IPCEF1: variants seen among roughly 807,000 people sequenced by gnomAD.
IPCEF1 encodes the protein interactor protein for cytohesin exchange factors 1.
Under a neutral mutation model 50.9 loss-of-function variants are expected in IPCEF1, and 31 were observed. The observed-to-expected ratio is 0.61, with a 90% CI of 0.46 to 0.82. IPCEF1 has a LOEUF of 0.82. Ranked by LOEUF, IPCEF1 falls within the 40% of genes least tolerant of loss-of-function variation. The pLI, the probability that IPCEF1 is intolerant of heterozygous loss-of-function variation, is 0.00. For synonymous variants in IPCEF1, 181 were observed against 192.0 expected (o/e 0.94, Z 0.47); for missense variants, 458 against 514.0 (o/e 0.89, Z 1.05).
chr6:154,173,009 T>C (rs1800000719), intron 10 of IPCEF1, among the ~76,000 whole-genome samples: 1 of 152,300 alleles, frequency 6.6e-6, no homozygotes, highest in South Asian at 2.1e-4. Flanking sequence ...CCTCCGCTGG[T>C]GATACCCAGG....
At chr6:154,213,236 C>T in intron 8 of IPCEF1, 1 of 210,210 alleles carries the variant, frequency 4.8e-6, no homozygotes, top group Non-Finnish European at 9.8e-6. Context: ...ATCAGTGGTG[C>T]ACAACTTGTG....
At chr6:154,197,322 A>G (rs936861118) in intron 10 of IPCEF1, among the ~76,000 whole-genome samples, 5 of 152,244 alleles carry the variant, frequency 3.3e-5, no homozygotes, top group African/African-American at 1.2e-4. Context: ...ACAGCAAGTC[A>G]TCACAAATGC....
At chr6:154,262,466 C>T (rs942233333) in intron 3 of IPCEF1, among the ~76,000 whole-genome samples, 1 of 152,226 alleles carries the variant, frequency 6.6e-6, no homozygotes, top group African/African-American at 2.4e-5. Context: ...CTACCTGGTA[C>T]AGTGCCTGAT....
chr6:154,297,617 A>G (rs1268999662), intron 1 of IPCEF1, among the ~76,000 whole-genome samples: 1 of 152,202 alleles, frequency 6.6e-6, no homozygotes, highest in Non-Finnish European at 1.5e-5. Flanking sequence ...TGCAAAAGAA[A>G]AAGTTAATAG....
Position 154,214,231 on chromosome 6 carries a change from A to T in IPCEF1, c.438T>A (p.Thr146=). Reference sequence around the variant, plus strand: ...AATAGAACATACCTTCATCCTTTGTAGTGGATTCCTGATGGATTACAGCCG... The same window carrying T: ...AATAGAACATACCTTCATCCTTTGTTGTGGATTCCTGATGGATTACAGCCG... ...LGSAVIHQES[T]TKDEECYSES... is the part of the protein sequence containing the mutation. Residue 146 remains threonine (T), a synonymous_variant, in exon 8 of 12, where the codon ACT becomes ACA. Transcript: ENST00000367220. 6.2e-7 allele frequency: 1 copy of T among 1,606,566 alleles called. No individual in the cohort carries two copies. The highest frequency in any genetic ancestry group is 8.5e-7 in the Non-Finnish European group (1 of 1,173,106).
chr6:154,313,911 T>A (rs1016000412), intron 1 of IPCEF1, among the ~76,000 whole-genome samples: 1 of 149,934 alleles, frequency 6.7e-6, no homozygotes, highest in East Asian at 1.9e-4. Flanking sequence ...ACCTGGCTAA[T>A]TTTTTTTTTA....
At chr6:154,346,202 G>C (rs1342753511) in intron 1 of IPCEF1, among the ~76,000 whole-genome samples, 1 of 152,080 alleles carries the variant, frequency 6.6e-6, no homozygotes, top group Non-Finnish European at 1.5e-5. Flanking sequence ...CAAAAACATT[G>C]AAGATTTTAC....
At chr6:154,197,476 GA>G (rs201462405) in intron 10 of IPCEF1, among the ~76,000 whole-genome samples, 1 of 151,810 alleles carries the variant, frequency 6.6e-6, no homozygotes, top group Non-Finnish European at 1.5e-5. Flanking sequence ...ATCAATGAGA[GA>G]AAAAAAATAC....
intron 10 of IPCEF1, among the ~76,000 whole-genome samples, chr6:154,169,186 C>A (rs1317003707): frequency 6.6e-6 from 1 of 151,922 alleles, no homozygotes; most frequent in Non-Finnish European, 1.5e-5. Flanking sequence ...CATGGTAAAA[C>A]CCGTTGTCTA....
chr6:154,276,171 G>C (rs1228130315), intron 2 of IPCEF1, among the ~76,000 whole-genome samples: 1 of 151,414 alleles, frequency 6.6e-6, no homozygotes, highest in Non-Finnish European at 1.5e-5. Context: ...GCAACAGAGA[G>C]AGATTCCATC....
chr6:154,270,999 C>CA (rs1055550924), intron 2 of IPCEF1, among the ~76,000 whole-genome samples: 81 of 151,352 alleles, frequency 5.4e-4, no homozygotes, highest in African/African-American at 1.9e-3. Context: ...ACAAACAAAC[C>CA]AAAAAAACTC....
Position 154,328,232 on chromosome 6 carries a change from A to T in IPCEF1, c.-62+28440T>A, listed in dbSNP as rs181251630. 2.2e-4 allele frequency among the ~76,000 whole-genome samples: 33 copies of T among 152,360 alleles called. 1 individual carries two copies. On this transcript the variant is annotated intron_variant, in intron 1 of 11. Transcript: ENST00000367220. ...CACCCCTGAACTTAAAAGTTGAAAA[A>T]AATACACATTTTGGTTAAAGAACAA...
intron 1 of IPCEF1, among the ~76,000 whole-genome samples, chr6:154,344,826 T>TAAAAA (rs1332902655): frequency 6.6e-6 from 1 of 152,214 alleles, no homozygotes; most frequent in African/African-American, 2.4e-5. Flanking sequence ...CTCTAACTTT[T>TAAAAA]AGCATACTTA....
intron 1 of IPCEF1, among the ~76,000 whole-genome samples, chr6:154,338,717 T>C (rs1235145682): frequency 6.6e-6 from 1 of 152,112 alleles, no homozygotes; most frequent in Non-Finnish European, 1.5e-5. Flanking sequence ...ACCCAGGAGT[T>C]TGAGACTGGC....
intron 2 of IPCEF1, among the ~76,000 whole-genome samples, chr6:154,273,148 A>G (rs115311703): frequency 1.3e-3 from 197 of 152,314 alleles, no homozygotes; most frequent in African/African-American, 4.3e-3. Context: ...AACGTTTAAA[A>G]CCCACAGATT....
In IPCEF1 at chr6:154,353,747, G is replaced by A. The variant is rs145550112; in HGVS notation, c.-62+2925C>T. On this transcript the variant is annotated intron_variant, in intron 1 of 11. Coordinates refer to ENST00000367220, the MANE Select transcript of IPCEF1 (RefSeq NM_001130700.2). Reference sequence around the variant, plus strand: ...ACTACTCATATATTAACATTTTAATGCATTTCACCCAAATCTTGCTTCTCT... The same window carrying A: ...ACTACTCATATATTAACATTTTAATACATTTCACCCAAATCTTGCTTCTCT... Among the ~76,000 whole-genome samples, 433 of 152,314 alleles carry A rather than the reference G, an allele frequency of 2.8e-3. 2 individuals carry two copies. The highest frequency in any genetic ancestry group is 0.01 in the African/African-American group (416 of 41,570).
intron 10 of IPCEF1, among the ~76,000 whole-genome samples, chr6:154,193,962 CT>C (rs34447420): frequency 0.52 from 79,072 of 151,956 alleles, 20,972 homozygotes; most frequent in East Asian, 0.71. Flanking sequence ...ACTTCAAAGA[CT>C]TTTTTTTGTC....
Position 154,266,584 on chromosome 6 carries a change from A to ATATG in IPCEF1, c.-17-621_-17-620insCATA, listed in dbSNP as rs1781761686. ...ACTATATATATATATATATATATAT[A>ATATG]TACACACAAACACACACACACATTT... On this transcript the variant is annotated intron_variant, in intron 2 of 11. Transcript: ENST00000367220. Among the ~76,000 whole-genome samples the ATATG allele has an allele frequency of 2.0e-5, 3 of 146,482 alleles. No homozygotes were observed. The South Asian group carries it at 6.4e-4, about 31-fold the overall frequency.
intron 2 of IPCEF1, among the ~76,000 whole-genome samples, chr6:154,274,876 G>T (rs1320352467): frequency 6.6e-6 from 1 of 152,162 alleles, no homozygotes; most frequent in Admixed American, 6.5e-5. Flanking sequence ...AAAGCACTGG[G>T]ACTTGTTTCT....
Sources: gnomAD v4.1 joint callset for allele counts (sites outside exome capture counted in the v4.1 genomes callset) on GRCh38, gnomAD v4.1.1 for gene constraint, MANE v1.5 for transcripts, NCBI Gene and HGNC (gene_info 2026-07-23, HGNC 2026-07-21) for gene names.